KYNU: variants seen among roughly 807,000 people sequenced by gnomAD.
KYNU encodes the protein L-kynurenine hydrolase.
KYNU carries 54 observed loss-of-function variants against 59.2 expected under a neutral mutation model. The observed-to-expected ratio is 0.91, with a 90% CI of 0.73 to 1.14. KYNU has a LOEUF of 1.14. Ranked by LOEUF, KYNU falls within the 50% of genes most tolerant of loss-of-function variation. KYNU has a pLI of 0.00. For missense variants in KYNU, 567 were observed against 554.4 expected, an observed-to-expected ratio of 1.02 and a Z score of -0.23; for synonymous variants, 177 against 192.0, an observed-to-expected ratio of 0.92 and a Z score of 0.65.
intron 2 of KYNU, among the ~76,000 whole-genome samples, chr2:142,913,267 C>G (rs531033347): frequency 2.5e-4 from 38 of 152,196 alleles, no homozygotes; most frequent in African/African-American, 8.7e-4. Flanking sequence ...TCTAGTTCCT[C>G]TTGGTGTGTT....
chr2:143,037,207 A>G (rs1170761261), intron 12 of KYNU, among the ~76,000 whole-genome samples: 2 of 152,322 alleles, frequency 1.3e-5, no homozygotes, highest in East Asian at 3.9e-4. Flanking sequence ...CTCTCCCTCA[A>G]TGGACACGAA....
chr2:142,883,594 G>A (rs1681385473), intron 1 of KYNU, among the ~76,000 whole-genome samples: 1 of 151,908 alleles, frequency 6.6e-6, no homozygotes, highest in African/African-American at 2.4e-5. Flanking sequence ...GCATTTAGTT[G>A]AACAAGCCAA....
Position 143,048,680 on chromosome 2 carries a change from A to G in KYNU, c.*6508A>G, listed in dbSNP as rs763914639. ...ATAGTTTCACTTCATATAGAATTCTATGTCGACAGTAATTTTCTTTCAGGA... is the reference window on the plus strand; with the variant it reads ...ATAGTTTCACTTCATATAGAATTCTGTGTCGACAGTAATTTTCTTTCAGGA... On this transcript the variant is annotated 3_prime_UTR_variant, in exon 14 of 14. Coordinates refer to ENST00000264170, the MANE Select transcript of KYNU (RefSeq NM_003937.3). The G allele has an allele frequency of 1.3e-5, 2 of 152,324 alleles. No individual in the cohort carries two copies. The highest frequency in any genetic ancestry group is 2.9e-5 in the Non-Finnish European group (2 of 68,014). The allele number at this position is 152,324 out of a possible 1,614,324, so 9.4% of individuals were successfully genotyped here. A position where few individuals can be genotyped will look rare whatever the true frequency, so the allele number is the denominator to read the frequency against.
chr2:142,936,448 T>C (rs1299705841), intron 4 of KYNU, among the ~76,000 whole-genome samples: 2 of 152,034 alleles, frequency 1.3e-5, no homozygotes, highest in Admixed American at 6.6e-5. Flanking sequence ...TTTTTTGGAA[T>C]AGAGGACCAA....
intron 10 of KYNU, among the ~76,000 whole-genome samples, chr2:143,007,038 C>T (rs1328601035): frequency 9.9e-5 from 15 of 152,130 alleles, no homozygotes; most frequent in South Asian, 2.1e-4. Flanking sequence ...TCACCAGCAA[C>T]GGAACAAAGC....
Position 143,032,235 on chromosome 2 carries a change from G to A in KYNU, c.956-1001G>A, listed in dbSNP as rs373177552. Among the ~76,000 whole-genome samples, 33 of 151,250 alleles carry A rather than the reference G, an allele frequency of 2.2e-4. No homozygotes were observed. The East Asian group carries it at 3.5e-3, about 16-fold the overall frequency. ...GGAGGTTTCAGTGAGCCAAGATCGC[G>A]CCACTGCATTCCAGCCTGGGCAACA... On this transcript the variant is annotated intron_variant, in intron 11 of 13. Transcript: ENST00000264170.
At chr2:142,901,797 G>A (rs575861769) in intron 2 of KYNU, among the ~76,000 whole-genome samples, 1 of 152,126 alleles carries the variant, frequency 6.6e-6, no homozygotes, top group East Asian at 1.9e-4. Context: ...CATTATTACT[G>A]ACCACTGCAT....
chr2:142,899,163 G>C (rs530821943), intron 2 of KYNU, among the ~76,000 whole-genome samples: 1 of 152,116 alleles, frequency 6.6e-6, no homozygotes, highest in Non-Finnish European at 1.5e-5. Flanking sequence ...CCAGAAGAGC[G>C]TGCAGTTGCA....
At position 143,045,345 on chromosome 2, in the gene KYNU, G is replaced by A. The variant is rs1364045306; in HGVS notation, c.*3173G>A. On this transcript the variant is annotated 3_prime_UTR_variant, in exon 14 of 14. Coordinates refer to ENST00000264170, the MANE Select transcript of KYNU (RefSeq NM_003937.3). ...TTTTTGGTTCCATATGAAATTTAAA[G>A]TAGTTTTTTCTAATTCTGTGAAGAA... 1 of 152,080 alleles carries A rather than the reference G, an allele frequency of 6.6e-6. No individual in the cohort carries two copies. Among genetic ancestry groups the A allele is most frequent in the Non-Finnish European group, 1.5e-5 (1 of 68,010 alleles). The allele number at this position is 152,080 out of a possible 1,614,324, so 9.4% of individuals were successfully genotyped here.
chr2:142,983,272 C>A (rs1685101667), intron 8 of KYNU, among the ~76,000 whole-genome samples: 1 of 152,062 alleles, frequency 6.6e-6, no homozygotes, highest in Admixed American at 6.6e-5. Context: ...TTGGCCCAAG[C>A]AAGTCCTTCT....
intron 3 of KYNU, among the ~76,000 whole-genome samples, chr2:142,923,520 T>C (rs188276056): frequency 4.0e-4 from 61 of 152,310 alleles, no homozygotes; most frequent in African/African-American, 1.4e-3. Context: ...GAGTAGGCAA[T>C]AGGCATGAAG....
At chr2:142,946,366 C>T (rs186641985) in intron 4 of KYNU, among the ~76,000 whole-genome samples, 3 of 152,124 alleles carry the variant, frequency 2.0e-5, no homozygotes, top group South Asian at 2.1e-4. Context: ...TTACCCTGCC[C>T]GGCTGCCAAA....
At chr2:142,976,835 T>A (rs1193572418) in intron 8 of KYNU, among the ~76,000 whole-genome samples, 1 of 152,164 alleles carries the variant, frequency 6.6e-6, no homozygotes, top group Non-Finnish European at 1.5e-5. Flanking sequence ...ATACCAGATT[T>A]ACATTGGTTT....
intron 7 of KYNU, among the ~76,000 whole-genome samples, chr2:142,960,034 G>A (rs750659409): frequency 6.6e-6 from 1 of 152,116 alleles, no homozygotes; most frequent in African/African-American, 2.4e-5. Flanking sequence ...TTACGGGCAT[G>A]CACCACCACA....
rs1299631618 is a variant in KYNU at position 143,042,880 on chromosome 2, G to A, written c.*708G>A. On this transcript the variant is annotated 3_prime_UTR_variant, in exon 14 of 14. Coordinates refer to ENST00000264170, the MANE Select transcript of KYNU (RefSeq NM_003937.3). ...ACAGTCACCATTGGCCATCTTTCTC[G>A]TTACCATCTATGAAATTAGCATGCA... is the stretch of plus-strand genomic sequence containing the variant. 6.6e-6 allele frequency: 1 copy of A among 151,258 alleles called. No homozygotes were observed. Among genetic ancestry groups the A allele is most frequent in the Non-Finnish European group, 1.5e-5 (1 of 67,808 alleles). 9.4% of individuals were successfully genotyped at this position (151,258 alleles called of 1,614,324 possible). A position where few individuals can be genotyped will look rare whatever the true frequency, so the allele number is the denominator to read the frequency against.
intron 12 of KYNU, among the ~76,000 whole-genome samples, chr2:143,037,390 C>T (rs534530465): frequency 6.6e-6 from 1 of 152,230 alleles, no homozygotes; most frequent in South Asian, 2.1e-4. Flanking sequence ...GATAGGTAGA[C>T]AATATTTAGT....
chr2:142,884,555 G>C (rs1379233670), intron 1 of KYNU, among the ~76,000 whole-genome samples: 1 of 152,106 alleles, frequency 6.6e-6, no homozygotes, highest in African/African-American at 2.4e-5. Flanking sequence ...GAAGCCACAA[G>C]TGTGGTACAT....
chr2:142,940,569 AT>A (rs1393183682), intron 4 of KYNU, among the ~76,000 whole-genome samples: 4 of 152,202 alleles, frequency 2.6e-5, no homozygotes, highest in African/African-American at 9.6e-5. Flanking sequence ...ACCTTTCATT[AT>A]TGTTACTAAG....
chr2:142,959,959 C>T (rs1684288539), intron 7 of KYNU, among the ~76,000 whole-genome samples: 1 of 152,098 alleles, frequency 6.6e-6, no homozygotes, highest in Non-Finnish European at 1.5e-5. Context: ...GACAGAGTTG[C>T]TCTGTCACCC....
Sources: allele counts gnomAD v4.1 joint callset (sites outside exome capture counted in the v4.1 genomes callset), GRCh38; gene constraint gnomAD v4.1.1; transcripts MANE v1.5; gene names NCBI Gene and HGNC (gene_info 2026-07-23, HGNC 2026-07-21).